The following LRRC20 variants were observed in gnomAD, a reference collection of about 807,000 sequenced individuals.
LRRC20 encodes leucine-rich repeat-containing protein 20.
In LRRC20, 11 loss-of-function variants were observed where a neutral mutation model predicts 14.4. That is an observed-to-expected ratio of 0.77 (90% CI 0.48 to 1.27). The LOEUF (loss-of-function observed/expected upper bound fraction) is 1.27, where lower values mean the gene tolerates loss of function less well. LRRC20 is among the 50% of genes most tolerant of loss of function. The pLI, the probability that LRRC20 is intolerant of heterozygous loss-of-function variation, is 0.00. For synonymous variants in LRRC20, 121 were observed against 107.3 expected, an observed-to-expected ratio of 1.13 and a Z score of -0.79; for missense variants, 219 against 251.2, an observed-to-expected ratio of 0.87 and a Z score of 0.87.
At chr10:70,303,068 T>C (rs1473154848) in intron 4 of LRRC20, among the ~76,000 whole-genome samples, 1 of 152,210 alleles carries the variant, frequency 6.6e-6, no homozygotes, top group African/African-American at 2.4e-5. Flanking sequence ...ATATATATTT[T>C]ATCACAATTA....
intron 4 of LRRC20, among the ~76,000 whole-genome samples, chr10:70,311,517 C>T (rs1240424067): frequency 1.3e-5 from 2 of 152,274 alleles, no homozygotes; most frequent in Admixed American, 6.5e-5. Context: ...CCACTGCACT[C>T]GGCCTCCAAC....
In LRRC20 at chr10:70,341,882, C is replaced by A. The variant is rs140937011; in HGVS notation, c.83-1180G>T. On this transcript the variant is annotated intron_variant, in intron 2 of 4. Transcript: ENST00000446961. ...GGCAAAAGCCAGTTACAAAGGCCTGCATATTGTACAGTTTCATTATATGAA... is the reference window on the plus strand; with the variant it reads ...GGCAAAAGCCAGTTACAAAGGCCTGAATATTGTACAGTTTCATTATATGAA... Among the ~76,000 whole-genome samples the A allele has an allele frequency of 1.4e-3, 215 of 152,224 alleles. 1 individual carries two copies. Among genetic ancestry groups the A allele is most frequent in the Non-Finnish European group, 2.8e-3 (192 of 68,028 alleles).
chr10:70,306,328 A>T (rs1841424666), intron 4 of LRRC20, among the ~76,000 whole-genome samples: 1 of 152,080 alleles, frequency 6.6e-6, no homozygotes, highest in African/African-American at 2.4e-5. Context: ...AGGTGCCCTA[A>T]CATCCTGTAC....
At position 70,355,820 on chromosome 10, in the gene LRRC20, G is replaced by C. The variant is rs147610936; in HGVS notation, c.83-15118C>G. On this transcript the variant is annotated intron_variant, in intron 2 of 4. Coordinates refer to ENST00000446961, the MANE Select transcript of LRRC20 (RefSeq NM_001278212.2). ...ACATAGGGAACAGAGCTAAAGTCCT[G>C]CCAGGGCAAAGCTCACGGGAGCTGC... Among the ~76,000 whole-genome samples, 229 of 152,296 alleles carry C rather than the reference G, an allele frequency of 1.5e-3. 1 individual carries two copies. The highest frequency in any genetic ancestry group is 5.2e-3 in the African/African-American group (216 of 41,566).
chr10:70,346,926 C>T lies in LRRC20; in HGVS notation c.83-6224G>A, dbSNP rs111295257. ...TCTGAGACAGGATCTCGCTCTGCCA[C>T]CCAGGCTGGAGGGCAGTGGCGTGAT... is the stretch of plus-strand genomic sequence containing the variant. On this transcript the variant is annotated intron_variant, in intron 2 of 4. Coordinates refer to ENST00000446961, the MANE Select transcript of LRRC20 (RefSeq NM_001278212.2). 3.7e-3 allele frequency among the ~76,000 whole-genome samples: 559 copies of T among 152,302 alleles called. 5 individuals are homozygous for T. The highest frequency in any genetic ancestry group is 0.013 in the African/African-American group (543 of 41,562).
chr10:70,301,459 G>A lies in LRRC20; in HGVS notation c.450C>T (p.Asn150=). ...LAAMPALRSI[N]LRFNPLNAEV... Reference sequence around the variant, plus strand: ...CGGCGTTGAGTGGGTTGAAGCGGAGGTTGATGCTGCGCAAGGCTGGCATGG... The same window carrying A: ...CGGCGTTGAGTGGGTTGAAGCGGAGATTGATGCTGCGCAAGGCTGGCATGG... Residue 150 remains asparagine (N), a synonymous_variant, in exon 5 of 5, where the codon AAC becomes AAT. Transcript: ENST00000446961. 1 of 1,614,124 alleles carries A rather than the reference G, an allele frequency of 6.2e-7. No homozygotes were observed. The highest frequency in any genetic ancestry group is 2.2e-5 in the East Asian group (1 of 44,888).
At chr10:70,350,345 T>G (rs927910119) in intron 2 of LRRC20, among the ~76,000 whole-genome samples, 1 of 152,252 alleles carries the variant, frequency 6.6e-6, no homozygotes, top group Non-Finnish European at 1.5e-5. Flanking sequence ...TTACAATTAT[T>G]ATTGCAAGAA....
chr10:70,351,725 A>G (rs10740338), intron 2 of LRRC20, among the ~76,000 whole-genome samples: 114,828 of 152,094 alleles, frequency 0.75, 43,643 homozygotes, highest in Middle Eastern at 0.83. Flanking sequence ...AACTAGAATC[A>G]TGGAAGCCAT....
intron 4 of LRRC20, among the ~76,000 whole-genome samples, chr10:70,305,573 T>C (rs1217237987): frequency 6.6e-6 from 1 of 152,340 alleles, no homozygotes; most frequent in Admixed American, 6.5e-5. Flanking sequence ...TTTAGGACTT[T>C]CAGTTTCAGA....
intron 4 of LRRC20, among the ~76,000 whole-genome samples, chr10:70,312,341 G>C (rs918597044): frequency 6.6e-6 from 1 of 152,058 alleles, no homozygotes; most frequent in South Asian, 2.1e-4. Context: ...GCAGGGACAG[G>C]GGGTCATGCT....
chr10:70,374,349 G>T (rs1204902584), intron 2 of LRRC20, among the ~76,000 whole-genome samples: 1 of 91,522 alleles, frequency 1.1e-5, no homozygotes, highest in East Asian at 3.1e-4. Flanking sequence ...CCCCTGTGAA[G>T]CCTTTTTTTT....
At chr10:70,366,199 G>A (rs140095343) in intron 2 of LRRC20, among the ~76,000 whole-genome samples, 60 of 152,038 alleles carry the variant, frequency 3.9e-4, no homozygotes, top group African/African-American at 1.1e-3. Context: ...GAGGCAGGCA[G>A]ATCACCTGAG....
intron 2 of LRRC20, among the ~76,000 whole-genome samples, chr10:70,355,850 G>A (rs1329891527): frequency 2.0e-5 from 3 of 151,794 alleles, no homozygotes; most frequent in Non-Finnish European, 2.9e-5. Flanking sequence ...AGCTGCTGGG[G>A]AGAGCAGCCG....
intron 1 of LRRC20, among the ~76,000 whole-genome samples, chr10:70,381,006 G>C (rs1308248028): frequency 6.6e-6 from 1 of 152,244 alleles, no homozygotes; most frequent in Non-Finnish European, 1.5e-5. Flanking sequence ...ATTCAGGAGA[G>C]AGAGAGACAG....
At chr10:70,355,756 C>T (rs536415439) in intron 2 of LRRC20, among the ~76,000 whole-genome samples, 2 of 152,296 alleles carry the variant, frequency 1.3e-5, no homozygotes, top group Admixed American at 6.5e-5. Context: ...TCCTCAAACG[C>T]CCAAAAACCT....
chr10:70,336,816 A>G (rs1227253533), intron 3 of LRRC20, among the ~76,000 whole-genome samples: 3 of 152,140 alleles, frequency 2.0e-5, no homozygotes, highest in South Asian at 2.1e-4. Flanking sequence ...TGTGTCTCCT[A>G]CACCTCTGGC....
Position 70,300,614 on chromosome 10 carries a change from G to A in LRRC20, c.*740C>T. The stretch of plus-strand genomic sequence containing the variant: ...CGCAGCTCAGGAGTGATGCTAGAGG[G>A]ACGGAGCACTCAGGACTTCCCACCC... On this transcript the variant is annotated 3_prime_UTR_variant, in exon 5 of 5. Transcript: ENST00000446961. The A allele has an allele frequency of 1.0e-6, 1 of 985,608 alleles. No homozygotes were observed. Among genetic ancestry groups the A allele is most frequent in the Non-Finnish European group, 1.2e-6 (1 of 830,056 alleles). The allele number at this position is 985,608 out of a possible 1,614,324, so 61.1% of individuals were successfully genotyped here. A position where few individuals can be genotyped will look rare whatever the true frequency, so the allele number is the denominator to read the frequency against.
rs1171185795 is a variant in LRRC20 at position 70,373,119 on chromosome 10, A to C, written c.82+3333T>G. Among the ~76,000 whole-genome samples, 12 of 148,838 alleles carry C rather than the reference A, an allele frequency of 8.1e-5. No individual in the cohort carries two copies. The East Asian group carries it at 2.4e-3, about 30-fold the overall frequency. On this transcript the variant is annotated intron_variant, in intron 2 of 4. Transcript: ENST00000446961. Reference sequence around the variant, plus strand: ...AAGATGACTCCATCTCAAAAAAAAAAAGCATTGTATAGCTGTAACCAAATT... The same window carrying C: ...AAGATGACTCCATCTCAAAAAAAAACAGCATTGTATAGCTGTAACCAAATT...
chr10:70,328,465 T>G (rs1842408764), intron 3 of LRRC20, among the ~76,000 whole-genome samples: 1 of 152,034 alleles, frequency 6.6e-6, no homozygotes, highest in African/African-American at 2.4e-5. Context: ...CCCAGCTAAT[T>G]TCTGGATTTT....
Sources: gnomAD v4.1 joint callset for allele counts (sites outside exome capture counted in the v4.1 genomes callset) on GRCh38, gnomAD v4.1.1 for gene constraint, MANE v1.5 for transcripts, NCBI Gene and HGNC (gene_info 2026-07-23, HGNC 2026-07-21) for gene names.